The following CSMD1 variants were observed in gnomAD, a reference collection of about 807,000 sequenced individuals.
CSMD1 encodes CUB and Sushi multiple domains 1, also known as CUB and sushi domain-containing protein 1.
A neutral mutation model predicts 417.5 loss-of-function variants in CSMD1; 213 were observed. That is an observed-to-expected ratio of 0.51 (90% CI 0.46 to 0.57). The LOEUF is 0.57. CSMD1 is among the 20% of genes least tolerant of loss of function. The probability of loss-of-function intolerance (pLI) is 0.00; values close to 1 mark genes in which losing one functional copy is unlikely to be tolerated. For missense variants in CSMD1, 6,923 were observed against 4,529.7 expected (o/e 1.53, Z -15.17); for synonymous variants, 2,862 against 1,736.8 (o/e 1.65, Z -16.11).
At chr8:3,849,356 G>T (rs774525062) in intron 5 of CSMD1, among the ~76,000 whole-genome samples, 1 of 152,026 alleles carries the variant, frequency 6.6e-6, no homozygotes, top group Admixed American at 6.6e-5. Flanking sequence ...GAGAGAGGTG[G>T]GGTCCACTAC....
intron 49 of CSMD1, among the ~76,000 whole-genome samples, chr8:3,057,221 A>G (rs1432053082): frequency 6.6e-6 from 1 of 152,194 alleles, no homozygotes; most frequent in African/African-American, 2.4e-5. Context: ...TTCAAGTAAT[A>G]ATTGAATTTC....
At chr8:4,948,370 T>C (rs1205883784) in intron 1 of CSMD1, among the ~76,000 whole-genome samples, 1 of 152,172 alleles carries the variant, frequency 6.6e-6, no homozygotes, top group East Asian at 1.9e-4. Context: ...CTTAGAATAA[T>C]TGTTTATATA....
chr8:3,828,976 G>C (rs1341900565), intron 5 of CSMD1, among the ~76,000 whole-genome samples: 1 of 152,114 alleles, frequency 6.6e-6, no homozygotes, highest in East Asian at 1.9e-4. Context: ...CAGTTCCTTA[G>C]GGTTTTTACC....
chr8:3,812,289 C>G (rs1482535679), intron 5 of CSMD1, among the ~76,000 whole-genome samples: 3 of 152,168 alleles, frequency 2.0e-5, no homozygotes, highest in East Asian at 3.9e-4. Flanking sequence ...GGTGGGGACT[C>G]TAATCTCACA....
intron 8 of CSMD1, among the ~76,000 whole-genome samples, chr8:3,594,583 G>A (rs1055726859): frequency 6.6e-6 from 1 of 152,150 alleles, no homozygotes; most frequent in Admixed American, 6.5e-5. Context: ...CTACCTTCCT[G>A]TTTTGAAGTT....
intron 2 of CSMD1, among the ~76,000 whole-genome samples, chr8:4,487,501 T>G (rs1563225348): frequency 6.6e-6 from 1 of 152,220 alleles, no homozygotes; most frequent in Non-Finnish European, 1.5e-5. Flanking sequence ...GAAGTCATCA[T>G]ATTTTATGGC....
intron 3 of CSMD1, among the ~76,000 whole-genome samples, chr8:4,210,729 C>G (rs935314326): frequency 1.3e-5 from 2 of 152,086 alleles, no homozygotes; most frequent in Non-Finnish European, 2.9e-5. Context: ...CACTAAAAAT[C>G]ACAAAATCTT....
intron 37 of CSMD1, among the ~76,000 whole-genome samples, chr8:3,173,588 T>C (rs980731545): frequency 5.3e-5 from 8 of 152,234 alleles, no homozygotes; most frequent in Non-Finnish European, 8.8e-5. Flanking sequence ...TGTCTTAACA[T>C]GAGGCAATGA....
chr8:4,045,327 C>A (rs4421367), intron 3 of CSMD1, among the ~76,000 whole-genome samples: 37,902 of 152,106 alleles, frequency 0.25, 4,761 homozygotes, highest in Admixed American at 0.28. Context: ...GGTAAAAGGA[C>A]CATCAATTGT....
At chr8:3,090,986 C>G (rs915482991) in intron 48 of CSMD1, among the ~76,000 whole-genome samples, 1 of 151,554 alleles carries the variant, frequency 6.6e-6, no homozygotes, top group Non-Finnish European at 1.5e-5. Flanking sequence ...ATATAAAGGG[C>G]AAAATAATTT....
chr8:3,747,934 A>C (rs1027499573), intron 6 of CSMD1, among the ~76,000 whole-genome samples: 1 of 151,496 alleles, frequency 6.6e-6, no homozygotes, highest in Non-Finnish European at 1.5e-5. Flanking sequence ...CCTAGAAAAA[A>C]CCCTTGTCCC....
In CSMD1 at chr8:3,228,315, C is replaced by G. The variant is rs1056568150; in HGVS notation, c.4345+1725G>C. On this transcript the variant is annotated intron_variant, in intron 27 of 69. Transcript: ENST00000635120. ...GTGCTAATTATAATTAACTCATGCC[C>G]TAATGGGCAAGCTTCTTACAGAGGA... Among the ~76,000 whole-genome samples the G allele has an allele frequency of 4.6e-5, 7 of 152,196 alleles. No individual in the cohort carries two copies. The East Asian group carries it at 1.2e-3, about 25-fold the overall frequency.
intron 2 of CSMD1, among the ~76,000 whole-genome samples, chr8:4,516,453 C>T (rs1383571871): frequency 6.6e-6 from 1 of 152,150 alleles, no homozygotes; most frequent in African/African-American, 2.4e-5. Flanking sequence ...GACGCCTCAC[C>T]CTCCAGGCTG....
At chr8:4,925,865 A>G (rs571368512) in intron 1 of CSMD1, among the ~76,000 whole-genome samples, 243 of 152,150 alleles carry the variant, frequency 1.6e-3, no homozygotes, top group Non-Finnish European at 2.3e-3. Flanking sequence ...GCATTTTGTA[A>G]TTGTGAAATG....
intron 1 of CSMD1, among the ~76,000 whole-genome samples, chr8:4,643,383 A>T (rs938655852): frequency 1.3e-5 from 2 of 152,044 alleles, no homozygotes; most frequent in Non-Finnish European, 2.9e-5. Context: ...CAGATTTTTG[A>T]CCTCCAAAGC....
chr8:3,603,700 T>C (rs1322593090), intron 8 of CSMD1, among the ~76,000 whole-genome samples: 2 of 152,232 alleles, frequency 1.3e-5, no homozygotes, highest in Non-Finnish European at 2.9e-5. Flanking sequence ...TTGTATTCAT[T>C]ATAGTTTCCA....
intron 3 of CSMD1, among the ~76,000 whole-genome samples, chr8:4,144,814 A>C (rs1804012022): frequency 6.6e-6 from 1 of 151,046 alleles, no homozygotes; most frequent in South Asian, 2.1e-4. Flanking sequence ...ATCACCAAAA[A>C]GCAACATTCG....
chr8:4,356,125 G>T (rs374112386), intron 3 of CSMD1, among the ~76,000 whole-genome samples: 2 of 152,052 alleles, frequency 1.3e-5, no homozygotes, highest in African/African-American at 4.8e-5. Flanking sequence ...TTCCCCTCAA[G>T]TTCCCAAAGT....
intron 3 of CSMD1, among the ~76,000 whole-genome samples, chr8:4,052,609 A>G (rs564804739): frequency 1.3e-5 from 2 of 152,158 alleles, no homozygotes; most frequent in Admixed American, 1.3e-4. Flanking sequence ...TAATTTAAGT[A>G]TTTAGACCAG....
Sources: allele counts gnomAD v4.1 joint callset (sites outside exome capture counted in the v4.1 genomes callset), GRCh38; gene constraint gnomAD v4.1.1; transcripts MANE v1.5; gene names NCBI Gene and HGNC (gene_info 2026-07-23, HGNC 2026-07-21).